Variants in PPP2R1B observed in about 807,000 individuals in gnomAD.
The protein encoded by PPP2R1B is protein phosphatase 2 scaffold subunit Abeta.
In PPP2R1B, 58 loss-of-function variants were observed where a neutral mutation model predicts 72.7. The ratio of observed to expected loss-of-function variants is 0.80; its 90% CI spans 0.65 to 0.99. PPP2R1B has a LOEUF of 0.99. Ranked by LOEUF, PPP2R1B falls within the 50% of genes least tolerant of loss-of-function variation. PPP2R1B has a pLI of 0.00. For missense variants in PPP2R1B, 695 were observed against 733.6 expected (o/e 0.95, Z 0.61); for synonymous variants, 256 against 264.6 (o/e 0.97, Z 0.32).
chr11:111,751,715 C>G (rs1332599565), intron 10 of PPP2R1B, among the ~76,000 whole-genome samples: 1 of 152,222 alleles, frequency 6.6e-6, no homozygotes, highest in Non-Finnish European at 1.5e-5. Context: ...CAGTGGCTCA[C>G]GCCTGGAATC....
chr11:111,742,167 G>C, intron 13 of PPP2R1B, 23 bp from the exon 14 acceptor site: 1 of 1,565,510 alleles, frequency 6.4e-7, no homozygotes, highest in Non-Finnish European at 8.8e-7. Context: ...AGTATTATCT[G>C]TGAAAGACAG....
At chr11:111,697,627 A>G in the PPP2R1B span, among the ~76,000 whole-genome samples, 3 of 152,152 alleles carry the variant, frequency 2.0e-5, no homozygotes, top group South Asian at 6.2e-4. Context: ...TAGCTAATAG[A>G]AAACCCAGGA....
chr11:111,720,051 A>G, the PPP2R1B span: 3 of 1,558,558 alleles, frequency 1.9e-6, no homozygotes, highest in African/African-American at 1.4e-5. Flanking sequence ...GCATCATGTC[A>G]TACTCCAATT....
chr11:111,701,750 G>A, the PPP2R1B span, among the ~76,000 whole-genome samples: 1 of 152,144 alleles, frequency 6.6e-6, no homozygotes, highest in Non-Finnish European at 1.5e-5. The surrounding 1 kb of genome is among the most constrained non-coding windows in gnomAD (Gnocchi z 4.2). Context: ...ACAGGTTCCA[G>A]CCTTCTACTT....
chr11:111,712,390 G>C, the PPP2R1B span: 2 of 1,608,126 alleles, frequency 1.2e-6, no homozygotes, highest in Non-Finnish European at 1.7e-6. Context: ...GGCTATGTTT[G>C]AGAGTCTCAG....
At chr11:111,720,489 T>G in the PPP2R1B span, 9 of 1,599,366 alleles carry the variant, frequency 5.6e-6, no homozygotes, top group Non-Finnish European at 7.7e-6. Context: ...GAAAATTTTC[T>G]CCATGAATGA....
downstream of PPP2R1B, chr11:111,737,382 A>G: frequency 6.2e-7 from 1 of 1,611,412 alleles, no homozygotes; most frequent in Non-Finnish European, 8.5e-7. Flanking sequence ...CTCCCTGCAC[A>G]CCATGCCACC....
the PPP2R1B span, chr11:111,701,637 T>C: frequency 3.2e-6 from 5 of 1,564,970 alleles, no homozygotes; most frequent in Non-Finnish European, 4.3e-6. This position sits in a 1 kb window ranked among gnomAD's most constrained non-coding sequence, Gnocchi z 4.2. Flanking sequence ...GTGAAATGCC[T>C]AGGTAAAAGC....
chr11:111,737,405 A>G (rs866962176), downstream of PPP2R1B: 17 of 1,613,786 alleles, frequency 1.1e-5, no homozygotes, highest in Middle Eastern at 2.8e-3. Context: ...GGCTGCCCGC[A>G]GCCCTGAGGG....
the PPP2R1B span, among the ~76,000 whole-genome samples, chr11:111,690,917 C>T: frequency 6.6e-6 from 1 of 152,168 alleles, no homozygotes; most frequent in African/African-American, 2.4e-5. Flanking sequence ...CTACAAGAAA[C>T]ATACATGCAC....
At chr11:111,743,639 A>G in intron 11 of PPP2R1B, 109 bp from the exon 12 acceptor site, 1 of 1,282,286 alleles carries the variant, frequency 7.8e-7, no homozygotes, top group South Asian at 1.4e-5. Flanking sequence ...ACCCCTCTGC[A>G]ATCAGACTCC....
chr11:111,736,133 T>C (rs1378170826), downstream of PPP2R1B, among the ~76,000 whole-genome samples: 4 of 152,084 alleles, frequency 2.6e-5, no homozygotes, highest in African/African-American at 4.8e-5. Flanking sequence ...AAAACAATGA[T>C]AGCACCTACC....
chr11:111,721,427 C>T, the PPP2R1B span, among the ~76,000 whole-genome samples: 1 of 152,280 alleles, frequency 6.6e-6, no homozygotes, highest in East Asian at 1.9e-4. Context: ...AGCTTCTCAC[C>T]ACTACTTTTG....
At chr11:111,761,716 CG>C (rs1174102513) in intron 3 of PPP2R1B, among the ~76,000 whole-genome samples, 1 of 152,148 alleles carries the variant, frequency 6.6e-6, no homozygotes, top group Non-Finnish European at 1.5e-5. Flanking sequence ...TCCCAGCCGT[CG>C]GGAGGCCGAG....
chr11:111,700,793 T>C, the PPP2R1B span: 2 of 1,454,576 alleles, frequency 1.4e-6, no homozygotes, highest in Non-Finnish European at 1.9e-6. Context: ...AGTAGTGATA[T>C]TGTTAATATA....
At chr11:111,701,363 A>T in the PPP2R1B span, 1 of 1,489,096 alleles carries the variant, frequency 6.7e-7, no homozygotes, top group Non-Finnish European at 9.0e-7. This position sits in a 1 kb window ranked among gnomAD's most constrained non-coding sequence, Gnocchi z 4.2. Context: ...TTCAGTCCAT[A>T]TGATTTCAAG....
chr11:111,737,737 C>T, downstream of PPP2R1B: 5 of 1,357,712 alleles, frequency 3.7e-6, no homozygotes, highest in Non-Finnish European at 4.9e-6. Flanking sequence ...TGGGGCAGCC[C>T]AGGGTCGTGC....
intron 2 of PPP2R1B, 56 bp from the exon 3 acceptor site, chr11:111,764,961 A>G (rs1945468034): frequency 1.9e-6 from 3 of 1,593,572 alleles, no homozygotes; most frequent in East Asian, 4.5e-5. Context: ...ACAGCTGGAC[A>G]CTGACACAAA....
the PPP2R1B span, among the ~76,000 whole-genome samples, chr11:111,702,932 T>C: frequency 6.6e-6 from 1 of 152,250 alleles, no homozygotes; most frequent in Admixed American, 6.5e-5. Context: ...AGTCTGTTTC[T>C]AGATATTTTC....
Sources: gnomAD v4.1 joint callset for allele counts (sites outside exome capture counted in the v4.1 genomes callset) on GRCh38, gnomAD v4.1.1 for gene constraint, Gnocchi (gnomAD v3.1) non-coding constraint, MANE v1.5 for transcripts, NCBI Gene and HGNC (gene_info 2026-07-23, HGNC 2026-07-21) for gene names.